KCNJ6: variants seen among roughly 807,000 people sequenced by gnomAD.
KCNJ6 encodes potassium inwardly rectifying channel subfamily J member 6.
In KCNJ6, 9 loss-of-function variants were observed where a neutral mutation model predicts 34.2. That is an observed-to-expected ratio of 0.26 (90% CI 0.16 to 0.46). The LOEUF is 0.46. Ranked by LOEUF, KCNJ6 falls within the 20% of genes least tolerant of loss-of-function variation. The pLI is 1.00. For synonymous variants in KCNJ6, 196 were observed against 207.1 expected (o/e 0.95, Z 0.46); for missense variants, 236 against 531.3 (o/e 0.44, Z 5.46).
At chr21:37,875,295 C>T (rs893966230) in intron 1 of KCNJ6, among the ~76,000 whole-genome samples, 1 of 152,164 alleles carries the variant, frequency 6.6e-6, no homozygotes, top group Non-Finnish European at 1.5e-5. Context: ...AGGACTTGAA[C>T]CACAGTTGGC....
At chr21:37,702,683 A>C (rs2054697772) in intron 3 of KCNJ6, among the ~76,000 whole-genome samples, 1 of 152,224 alleles carries the variant, frequency 6.6e-6, no homozygotes, top group African/African-American at 2.4e-5. Flanking sequence ...ATTAAAGACA[A>C]GGGCTGAAGT....
At chr21:37,735,464 A>G (rs1436223762) in intron 2 of KCNJ6, among the ~76,000 whole-genome samples, 1 of 152,128 alleles carries the variant, frequency 6.6e-6, no homozygotes, top group Non-Finnish European at 1.5e-5. Context: ...TCAGCACTGT[A>G]GGCTCTGAAT....
At chr21:37,788,232 G>A (rs1201619033) in intron 2 of KCNJ6, among the ~76,000 whole-genome samples, 3 of 152,186 alleles carry the variant, frequency 2.0e-5, no homozygotes, top group Non-Finnish European at 4.4e-5. Context: ...TTGCCTTGAT[G>A]AAAGGTGAAT....
At chr21:37,761,311 CTG>C (rs899099223) in intron 2 of KCNJ6, among the ~76,000 whole-genome samples, 50 of 13,908 alleles carry the variant, frequency 3.6e-3, no homozygotes, top group Admixed American at 0.018. Flanking sequence ...TGTGTATGTG[CTG>C]TGTGTCTTGT....
chr21:37,903,704 A>T (rs906894058), intron 1 of KCNJ6, among the ~76,000 whole-genome samples: 3 of 151,864 alleles, frequency 2.0e-5, no homozygotes, highest in Admixed American at 2.0e-4. Context: ...TAGCAATATC[A>T]ATAGTTCCTC....
At chr21:37,776,462 A>C (rs544784985) in intron 2 of KCNJ6, among the ~76,000 whole-genome samples, 57 of 144,570 alleles carry the variant, frequency 3.9e-4, no homozygotes, top group East Asian at 1.0e-3. Context: ...TTTGCCCATT[A>C]AGTATGATAT....
intron 3 of KCNJ6, among the ~76,000 whole-genome samples, chr21:37,654,414 T>TAAAA (rs60672862): frequency 2.0e-4 from 29 of 145,504 alleles, no homozygotes; most frequent in African/African-American, 6.8e-4. Flanking sequence ...TGACATTTGG[T>TAAAA]AAAAAAAAAA....
In KCNJ6 at chr21:37,699,073, T is replaced by C. The variant is rs1173694668; in HGVS notation, c.946+15138A>G. On this transcript the variant is annotated intron_variant, in intron 3 of 3. Transcript: ENST00000609713. Reference sequence around the variant, plus strand: ...TACTTTATGACATGTGAAAATGATATGTGTCCATAAACACAATTTATGGCA... The same window carrying C: ...TACTTTATGACATGTGAAAATGATACGTGTCCATAAACACAATTTATGGCA... Among the ~76,000 whole-genome samples the C allele has an allele frequency of 5.9e-5, 9 of 152,212 alleles. 1 individual carries two copies. Among genetic ancestry groups the C allele is most frequent in the Admixed American group, 1.3e-4 (2 of 15,282 alleles).
At chr21:37,654,044 G>A (rs1408320425) in intron 3 of KCNJ6, among the ~76,000 whole-genome samples, 2 of 151,704 alleles carry the variant, frequency 1.3e-5, no homozygotes. Context: ...ATTTTATAAA[G>A]GCTGCCCTTG....
intron 1 of KCNJ6, among the ~76,000 whole-genome samples, chr21:37,911,581 T>G (rs2055867371): frequency 6.6e-6 from 1 of 152,212 alleles, no homozygotes; most frequent in African/African-American, 2.4e-5. Context: ...CAACCTCACT[T>G]TGAAAAGTAT....
intron 1 of KCNJ6, among the ~76,000 whole-genome samples, chr21:37,871,356 A>C (rs1003776349): frequency 2.0e-5 from 3 of 152,204 alleles, no homozygotes; most frequent in African/African-American, 7.2e-5. Context: ...CCAGAGCTCA[A>C]ACCAAAACCT....
At chr21:37,869,687 G>A (rs2055640703) in intron 1 of KCNJ6, among the ~76,000 whole-genome samples, 1 of 152,190 alleles carries the variant, frequency 6.6e-6, no homozygotes, top group African/African-American at 2.4e-5. Flanking sequence ...CAAGCTACAT[G>A]GTGTCTTTAT....
chr21:37,671,536 A>G (rs2123408357), intron 3 of KCNJ6, among the ~76,000 whole-genome samples: 1 of 152,356 alleles, frequency 6.6e-6, no homozygotes, highest in African/African-American at 2.4e-5. Context: ...GCTTTCGCAA[A>G]TTAATTGAAT....
chr21:37,671,304 A>G (rs1249168170), intron 3 of KCNJ6, among the ~76,000 whole-genome samples: 1 of 152,232 alleles, frequency 6.6e-6, no homozygotes, highest in Non-Finnish European at 1.5e-5. Flanking sequence ...AAGCTTCCAT[A>G]GAAAAGCAAA....
chr21:37,700,752 GGA>G (rs2054686541), intron 3 of KCNJ6, among the ~76,000 whole-genome samples: 4 of 152,106 alleles, frequency 2.6e-5, no homozygotes, highest in African/African-American at 9.7e-5. Flanking sequence ...TGGTTGTGCA[GGA>G]TGTACACTGC....
intron 3 of KCNJ6, among the ~76,000 whole-genome samples, chr21:37,653,063 TG>T (rs772178295): frequency 6.6e-6 from 1 of 152,050 alleles, no homozygotes; most frequent in Non-Finnish European, 1.5e-5. Flanking sequence ...CGTGTGTGTG[TG>T]GGATTATTTA....
At chr21:37,864,561 A>T (rs1258112404) in intron 1 of KCNJ6, among the ~76,000 whole-genome samples, 1 of 152,196 alleles carries the variant, frequency 6.6e-6, no homozygotes, top group East Asian at 1.9e-4. Flanking sequence ...CCAGACTTGT[A>T]AGCTCTGTGC....
intron 3 of KCNJ6, among the ~76,000 whole-genome samples, chr21:37,652,152 G>C (rs764182517): frequency 2.6e-5 from 4 of 152,176 alleles, no homozygotes; most frequent in Non-Finnish European, 4.4e-5. Flanking sequence ...AACAGCTTGA[G>C]TGAATAGAGG....
chr21:37,643,508 C>A (rs2054390477), intron 3 of KCNJ6, among the ~76,000 whole-genome samples: 1 of 152,182 alleles, frequency 6.6e-6, no homozygotes, highest in African/African-American at 2.4e-5. Flanking sequence ...TAGCTGGGCC[C>A]TGAAGAATGG....
Sources: gnomAD v4.1 joint callset for allele counts (sites outside exome capture counted in the v4.1 genomes callset) on GRCh38, gnomAD v4.1.1 for gene constraint, MANE v1.5 for transcripts, NCBI Gene and HGNC (gene_info 2026-07-23, HGNC 2026-07-21) for gene names.